MTMR4: variants seen among roughly 807,000 people sequenced by gnomAD.
MTMR4 encodes the protein myotubularin related protein 4, also known as phosphatidylinositol-3,5-bisphosphate 3-phosphatase MTMR4.
In MTMR4, 30 loss-of-function variants were observed where a neutral mutation model predicts 125.5. The observed-to-expected ratio is 0.24, with a 90% confidence interval of 0.18 to 0.32. The LOEUF (loss-of-function observed/expected upper bound fraction) is 0.32. MTMR4 is among the 10% of genes least tolerant of loss of function. The pLI is 1.00. For missense variants in MTMR4, 1,039 were observed against 1,511.5 expected, an observed-to-expected ratio of 0.69 and a Z score of 5.18; for synonymous variants, 498 against 564.5, an observed-to-expected ratio of 0.88 and a Z score of 1.67.
chr17:58,512,819 C>G lies in MTMR4; in HGVS notation c.135+33G>C, dbSNP rs1204887223. ...GGGTGTTTTTTAACTGGGCAGGGAG[C>G]CCCATCTATCCTGGCCCCCAACTCC... On this transcript the variant is annotated intron_variant, in intron 2 of 17. Coordinates refer to ENST00000682306, the MANE Select transcript of MTMR4 (RefSeq NM_001378067.1). This position sits in a 1 kb window ranked among gnomAD's most constrained non-coding sequence, Gnocchi z 4.1. 3.2e-6 allele frequency: 5 copies of G among 1,568,394 alleles called. No homozygotes were observed. In the Admixed American group the frequency reaches 8.5e-5, roughly 27 times the overall value.
chr17:58,515,542 G>C (rs757356475), upstream of MTMR4, among the ~76,000 whole-genome samples: 59 of 152,228 alleles, frequency 3.9e-4, no homozygotes, highest in Admixed American at 6.5e-4. Flanking sequence ...CAAGCCCCAA[G>C]AAGTAAACCT....
Position 58,496,205 on chromosome 17 carries a change from G to T in MTMR4, c.1979C>A (p.Pro660His), listed in dbSNP as rs368262948. 6.2e-7 allele frequency: 1 copy of T among 1,614,032 alleles called. No individual in the cohort carries two copies. The highest frequency in any genetic ancestry group is 8.5e-7 in the Non-Finnish European group (1 of 1,180,034). Residue 660 changes from proline (P) to histidine (H), a missense_variant, in exon 15 of 18, where the codon CCC (proline) becomes CAC (histidine). Pro to His is a moderately conservative substitution (Grantham distance 77). Coordinates refer to ENST00000682306, the MANE Select transcript of MTMR4 (RefSeq NM_001378067.1). The part of the protein sequence containing the change: ...HCQEVRVGLE[P>H]WHSNPEGSET... ...TGATCCCTCAGGATTGCTGTGCCAGGGCTCCAGGCCTACCCTGACCTCCTG... is the reference window on the plus strand; with the variant it reads ...TGATCCCTCAGGATTGCTGTGCCAGTGCTCCAGGCCTACCCTGACCTCCTG...
In MTMR4 at chr17:58,492,535, A is replaced by G; in HGVS notation, c.3428T>C (p.Leu1143Ser). The change falls in exon 17 of 18, where the codon TTG becomes TCG. Residue 1143 changes from leucine to serine, a missense_variant. Physicochemically the swap from Leu to Ser is moderately radical, Grantham distance 145. Transcript: ENST00000682306. ...CCTGCAATGGTGTCTTCGTTTGGCC[A>G]ACCAGAATTCACAGTCACAGTTATA... is the stretch of plus-strand genomic sequence containing the variant. ...HCYNCDCEFW[L>S]AKRRHHCRNC... 6.2e-7 allele frequency: 1 copy of G among 1,614,106 alleles called. No homozygotes were observed. Among genetic ancestry groups the G allele is most frequent in the Non-Finnish European group, 8.5e-7 (1 of 1,179,998 alleles).
At chr17:58,517,786 G>C (rs1261528823), upstream of MTMR4, 2 of 152,524 alleles carry the variant, frequency 1.3e-5, no homozygotes, top group Non-Finnish European at 2.9e-5. Flanking sequence ...GCGGTTCCCA[G>C]GCTTGCAGTG....
rs1461579595 is a variant in MTMR4 at position 58,514,630 on chromosome 17, AGG to A, written c.-225_-224del. The A allele has an allele frequency of 8.1e-6, 8 of 985,112 alleles. No homozygotes were observed. The East Asian group carries it at 6.8e-4, about 84-fold the overall frequency. 61.0% of individuals were successfully genotyped at this position (985,112 alleles called of 1,614,324 possible). On this transcript the variant is annotated 5_prime_UTR_variant, in exon 1 of 18. Coordinates refer to ENST00000682306, the MANE Select transcript of MTMR4 (RefSeq NM_001378067.1). ...CTCCGCCCTCCCGCACGAGTGCAGA[AGG>A]GAGGGGAGCCAGGCGAGGGGAGAGC...
rs544208612 is a variant in MTMR4 at position 58,499,531 on chromosome 17, GA to G, written c.1854-3202del. 2.6e-5 allele frequency among the ~76,000 whole-genome samples: 4 copies of G among 152,092 alleles called. No homozygotes were observed. In the South Asian group the frequency reaches 8.3e-4, roughly 32 times the overall value. On this transcript the variant is annotated intron_variant, in intron 14 of 17. Transcript: ENST00000682306. Reference sequence around the variant, plus strand: ...GCACTCCAGCTGGGCAATGGAGCGAGAAAACCCTACCTCTCATGTATCCACT... The same window carrying G: ...GCACTCCAGCTGGGCAATGGAGCGAGAAACCCTACCTCTCATGTATCCACT...
rs1363081714 is a variant in MTMR4 at position 58,491,346 on chromosome 17, G to A, written c.*317C>T. ...TTTCTATTGCTGTTTGGGGCACTTT[G>A]CACCAGGCAACATCTACGCAATCAT... On this transcript the variant is annotated 3_prime_UTR_variant, in exon 18 of 18. Coordinates refer to ENST00000682306, the MANE Select transcript of MTMR4 (RefSeq NM_001378067.1). The A allele has an allele frequency of 1.6e-5, 3 of 192,736 alleles. No homozygotes were observed. Among genetic ancestry groups the A allele is most frequent in the Non-Finnish European group, 3.2e-5 (3 of 93,038 alleles). The allele number at this position is 192,736 out of a possible 1,614,324, so 11.9% of individuals were successfully genotyped here. A position where few individuals can be genotyped will look rare whatever the true frequency, so the allele number is the denominator to read the frequency against.
chr17:58,508,048 T>C lies in MTMR4; in HGVS notation c.707+113A>G. The C allele has an allele frequency of 1.4e-6, 1 of 708,128 alleles. No homozygotes were observed. Among genetic ancestry groups the C allele is most frequent in the Middle Eastern group, 2.5e-4 (1 of 4,074 alleles). 43.9% of individuals were successfully genotyped at this position (708,128 alleles called of 1,614,324 possible). On this transcript the variant is annotated intron_variant, in intron 7 of 17. Transcript: ENST00000682306. The surrounding 1 kb of genome is among the most constrained non-coding windows in gnomAD (Gnocchi z 4.8). ...TTTTTGTTTTAAAGTTATTTCATAC[T>C]TCCCCATAGAGTGTCAATTCTCAGT...
chr17:58,509,539 C>A (rs1245267924), intron 4 of MTMR4, among the ~76,000 whole-genome samples: 4 of 151,502 alleles, frequency 2.6e-5, no homozygotes, highest in African/African-American at 9.7e-5. Flanking sequence ...ACAAATCAGT[C>A]CCCTGAGTAG....
chr17:58,503,079 C>A (rs990222822), intron 14 of MTMR4, among the ~76,000 whole-genome samples: 1 of 152,164 alleles, frequency 6.6e-6, no homozygotes, highest in Non-Finnish European at 1.5e-5. Flanking sequence ...ATGCTGGACA[C>A]AACAAAGGTT....
chr17:58,494,492 C>T (rs1453375740), intron 15 of MTMR4, among the ~76,000 whole-genome samples: 1 of 152,150 alleles, frequency 6.6e-6, no homozygotes, highest in Non-Finnish European at 1.5e-5. Flanking sequence ...CCAATGTCAC[C>T]TCCCACCACC....
chr17:58,505,624 T>C, intron 9 of MTMR4, 41 bp from the exon 10 acceptor site: 2 of 1,502,878 alleles, frequency 1.3e-6, no homozygotes, highest in South Asian at 2.3e-5. Flanking sequence ...AAGCACGTCC[T>C]AGGCCGGGCG....
At chr17:58,517,197 G>T (rs2042029015), upstream of MTMR4, among the ~76,000 whole-genome samples, 1 of 152,224 alleles carries the variant, frequency 6.6e-6, no homozygotes, top group Admixed American at 6.5e-5. Context: ...GACACCAAGT[G>T]GGGTGGAGGT....
chr17:58,496,351 C>T (rs1266507841), intron 14 of MTMR4, 21 bp from the exon 15 acceptor site: 6 of 1,573,246 alleles, frequency 3.8e-6, no homozygotes, highest in South Asian at 3.6e-5. Context: ...AAATATAACA[C>T]CTCCAGGTCA....
At chr17:58,513,099 G>A (rs1318819648) in intron 1 of MTMR4, among the ~76,000 whole-genome samples, 158 bp from the exon 2 acceptor site, 1 of 152,176 alleles carries the variant, frequency 6.6e-6, no homozygotes, top group Non-Finnish European at 1.5e-5. Context: ...CTTGGTTGGA[G>A]ACAGGGAAGG....
intron 15 of MTMR4, among the ~76,000 whole-genome samples, chr17:58,494,589 A>G (rs4793949): frequency 0.85 from 129,706 of 152,150 alleles, 55,645 homozygotes; most frequent in East Asian, 1. Context: ...TTTTTAAGCC[A>G]TATCATTGGA....
rs1975299342 is a variant in MTMR4 at position 58,490,934 on chromosome 17, C to G, written c.*729G>C. 1 of 152,634 alleles carries G rather than the reference C, an allele frequency of 6.6e-6. No homozygotes were observed. Among genetic ancestry groups the G allele is most frequent in the South Asian group, 2.1e-4 (1 of 4,828 alleles). 9.5% of individuals were successfully genotyped at this position (152,634 alleles called of 1,614,324 possible). A position where few individuals can be genotyped will look rare whatever the true frequency, so the allele number is the denominator to read the frequency against. On this transcript the variant is annotated 3_prime_UTR_variant, in exon 18 of 18. Transcript: ENST00000682306. ...GCCACTGTGTAACAGAGACGACTGC[C>G]TTCACAGCTCAAAATAACTCAATGT...
intron 16 of MTMR4, 78 bp downstream of exon 16, chr17:58,492,764 A>T: frequency 5.0e-6 from 7 of 1,413,592 alleles, no homozygotes; most frequent in South Asian, 1.2e-5. Flanking sequence ...CTCAGTCTAC[A>T]GCATGTCATT....
chr17:58,515,428 T>C (rs1976060986), upstream of MTMR4, among the ~76,000 whole-genome samples: 1 of 152,160 alleles, frequency 6.6e-6, no homozygotes, highest in Non-Finnish European at 1.5e-5. Context: ...ACCAGGGCTT[T>C]TGTCTTGTTT....
Sources: allele counts gnomAD v4.1 joint callset (sites outside exome capture counted in the v4.1 genomes callset), GRCh38; gene constraint gnomAD v4.1.1; non-coding constraint Gnocchi (gnomAD v3.1); transcripts MANE v1.5; gene names NCBI Gene and HGNC (gene_info 2026-07-23, HGNC 2026-07-21).